The following CERT1 variants were observed in gnomAD, a reference collection of about 807,000 sequenced individuals.
The protein encoded by CERT1 is ceramide transporter 1.
A neutral mutation model predicts 87.9 loss-of-function variants in CERT1; 31 were observed. That is an observed-to-expected ratio of 0.35 (90% CI 0.27 to 0.48). The LOEUF (loss-of-function observed/expected upper bound fraction) is 0.48. Among genes scored for constraint, CERT1 ranks in the 20% least tolerant of loss-of-function variants. The pLI is 0.99. For synonymous variants in CERT1, 289 were observed against 250.9 expected (o/e 1.15, Z -1.44); for missense variants, 487 against 758.0 (o/e 0.64, Z 4.20).
At chr5:75,423,115 A>C (rs1038400921) in intron 5 of CERT1, among the ~76,000 whole-genome samples, 2 of 152,248 alleles carry the variant, frequency 1.3e-5, no homozygotes, top group African/African-American at 4.8e-5. Context: ...ATGTAGCAGA[A>C]AAGATTCCGT....
intron 16 of CERT1, 146 bp downstream of exon 16, chr5:75,380,926 T>A (rs1314271495): frequency 7.6e-6 from 6 of 793,156 alleles, no homozygotes; most frequent in Non-Finnish European, 1.2e-5. Flanking sequence ...AAAGATTCTC[T>A]AGTAATTCTG....
chr5:75,487,596 G>C (rs1766580929), intron 2 of CERT1, among the ~76,000 whole-genome samples: 1 of 151,992 alleles, frequency 6.6e-6, no homozygotes, highest in Non-Finnish European at 1.5e-5. Flanking sequence ...TTAATAACCA[G>C]AATATACAAG....
chr5:75,508,405 T>C (rs1580873480), intron 1 of CERT1, among the ~76,000 whole-genome samples: 1 of 152,212 alleles, frequency 6.6e-6, no homozygotes, highest in Non-Finnish European at 1.5e-5. Flanking sequence ...ACTCTTTCAA[T>C]GTTAGAGGAG....
chr5:75,441,461 CAT>C (rs1472225161), intron 3 of CERT1, among the ~76,000 whole-genome samples: 1 of 152,160 alleles, frequency 6.6e-6, no homozygotes, highest in East Asian at 1.9e-4. Context: ...CTATCTTAAC[CAT>C]TAAGAGTACA....
intron 3 of CERT1, among the ~76,000 whole-genome samples, chr5:75,431,745 C>A (rs1231269172): frequency 6.6e-6 from 1 of 152,170 alleles, no homozygotes; most frequent in Admixed American, 6.5e-5. Context: ...AGGACATGAT[C>A]TCACTCCTTT....
chr5:75,439,399 G>A lies in CERT1; in HGVS notation c.349-12921C>T, dbSNP rs534216164. 2.0e-4 allele frequency among the ~76,000 whole-genome samples: 31 copies of A among 151,968 alleles called. 1 individual carries two copies. Among genetic ancestry groups the A allele is most frequent in the African/African-American group, 7.2e-4 (30 of 41,490 alleles). On this transcript the variant is annotated intron_variant, in intron 3 of 16. Transcript: ENST00000643780. ...AAAAAAAAAATAGCACTTGCCTTTTGAAAACCTTCTTCTTTTTCCTAATAA... is the reference window on the plus strand; with the variant it reads ...AAAAAAAAAATAGCACTTGCCTTTTAAAAACCTTCTTCTTTTTCCTAATAA...
chr5:75,508,689 T>C (rs1767773067), intron 1 of CERT1, among the ~76,000 whole-genome samples: 1 of 152,024 alleles, frequency 6.6e-6, no homozygotes, highest in Non-Finnish European at 1.5e-5. Flanking sequence ...AAAAAATATA[T>C]ATTTAGAATA....
chr5:75,409,752 C>T (rs1208454141), intron 8 of CERT1, among the ~76,000 whole-genome samples: 1 of 151,622 alleles, frequency 6.6e-6, no homozygotes, highest in East Asian at 1.9e-4. Flanking sequence ...TGGTCTCGAG[C>T]TCTTGACCTT....
At chr5:75,476,561 AT>A (rs1765963578) in intron 2 of CERT1, among the ~76,000 whole-genome samples, 1 of 152,108 alleles carries the variant, frequency 6.6e-6, no homozygotes, top group African/African-American at 2.4e-5. Flanking sequence ...ACTCAAGTGA[AT>A]CCCTTCCTTT....
At chr5:75,485,418 G>C (rs1404291307) in intron 2 of CERT1, among the ~76,000 whole-genome samples, 1 of 149,612 alleles carries the variant, frequency 6.7e-6, no homozygotes, top group African/African-American at 2.5e-5. Context: ...TAAGCACTTA[G>C]ATAAAAAATG....
Position 75,378,045 on chromosome 5 carries a change from T to G in CERT1, c.*1301A>C, listed in dbSNP as rs1761395147. On this transcript the variant is annotated 3_prime_UTR_variant, in exon 17 of 17. Transcript: ENST00000643780. ...TCTCCCACCTCAGTCTCCCAAAAAGTGTTGGGATTACAGGTGTGACCCACT... is the reference window on the plus strand; with the variant it reads ...TCTCCCACCTCAGTCTCCCAAAAAGGGTTGGGATTACAGGTGTGACCCACT... The G allele has an allele frequency of 6.6e-6, 1 of 152,262 alleles. No homozygotes were observed. Among genetic ancestry groups the G allele is most frequent in the Admixed American group, 6.5e-5 (1 of 15,276 alleles). The allele number at this position is 152,262 out of a possible 1,614,324, so 9.4% of individuals were successfully genotyped here. A position where few individuals can be genotyped will look rare whatever the true frequency, so the allele number is the denominator to read the frequency against.
At chr5:75,374,467 C>CA (rs917122451), downstream of CERT1, 29 of 717,712 alleles carry the variant, frequency 4.0e-5, no homozygotes, top group African/African-American at 4.2e-4. Flanking sequence ...TCCAAGATGA[C>CA]AAAGAAAAGA....
intron 11 of CERT1, among the ~76,000 whole-genome samples, chr5:75,395,147 T>A (rs1401844427): frequency 6.6e-6 from 1 of 152,220 alleles, no homozygotes; most frequent in African/African-American, 2.4e-5. Flanking sequence ...TCACTGTACA[T>A]CCTTTGATTT....
intron 2 of CERT1, among the ~76,000 whole-genome samples, chr5:75,459,934 C>A (rs1765156047): frequency 6.9e-6 from 1 of 145,200 alleles, no homozygotes; most frequent in African/African-American, 2.6e-5. Flanking sequence ...TGCTCTCCAG[C>A]CTGGGTGACA....
At chr5:75,426,622 G>T (rs1475976353) in intron 3 of CERT1, 144 bp from the exon 4 acceptor site, 1 of 593,792 alleles carries the variant, frequency 1.7e-6, no homozygotes, top group Non-Finnish European at 3.0e-6. Flanking sequence ...ACTGACATAA[G>T]CAATGCCTTT....
At chr5:75,491,921 A>C (rs1766815894) in intron 2 of CERT1, among the ~76,000 whole-genome samples, 1 of 152,180 alleles carries the variant, frequency 6.6e-6, no homozygotes, top group African/African-American at 2.4e-5. Flanking sequence ...TTTGATATGA[A>C]AAACAGTTGT....
chr5:75,481,934 A>G (rs1766266567), intron 2 of CERT1, among the ~76,000 whole-genome samples: 1 of 152,240 alleles, frequency 6.6e-6, no homozygotes, highest in South Asian at 2.1e-4. Context: ...ATTAGCATAC[A>G]AAATAATGGG....
chr5:75,419,764 G>A (rs1420434661), intron 5 of CERT1, among the ~76,000 whole-genome samples: 1 of 151,960 alleles, frequency 6.6e-6, no homozygotes, highest in Non-Finnish European at 1.5e-5. Context: ...CAAATATGTG[G>A]AATGTCTTTA....
chr5:75,485,016 C>A (rs185309253), intron 2 of CERT1, among the ~76,000 whole-genome samples: 1 of 152,128 alleles, frequency 6.6e-6, no homozygotes, highest in African/African-American at 2.4e-5. Context: ...TTATCAAGTA[C>A]CTTCTCTGAC....
Sources: allele counts gnomAD v4.1 joint callset (sites outside exome capture counted in the v4.1 genomes callset), GRCh38; gene constraint gnomAD v4.1.1; transcripts MANE v1.5; gene names NCBI Gene and HGNC (gene_info 2026-07-23, HGNC 2026-07-21).